ARL6IP6: variants seen among roughly 807,000 people sequenced by gnomAD.
ARL6IP6 encodes ARF like GTPase 6 interacting protein 6.
ARL6IP6 carries 22 observed loss-of-function variants against 21.5 expected under a neutral mutation model. The observed-to-expected ratio is 1.02, with a 90% CI of 0.73 to 1.46. The LOEUF (loss-of-function observed/expected upper bound fraction) is 1.46. Ranked by LOEUF, ARL6IP6 falls within the 40% of genes most tolerant of loss-of-function variation. The probability of loss-of-function intolerance (pLI) is 0.00; values close to 1 mark genes in which losing one functional copy is unlikely to be tolerated. For missense variants in ARL6IP6, 388 were observed against 299.8 expected (o/e 1.29, Z -2.17); for synonymous variants, 164 against 125.3 (o/e 1.31, Z -2.06).
chr2:152,759,729 GTTTTTC>G lies in ARL6IP6; in HGVS notation c.588-12_588-7del, dbSNP rs1701744822. On this transcript the variant is annotated splice_polypyrimidine_tract_variant and intron_variant, in intron 3 of 3. Coordinates refer to ENST00000326446, the MANE Select transcript of ARL6IP6 (RefSeq NM_152522.7). ...GTTACATTTTTCTTTTTTGATTTGT[GTTTTTC>G]TTTTTTTCTAGGAAACTGACTGGAC... The G allele has an allele frequency of 6.2e-7, 1 of 1,600,112 alleles. No individual in the cohort carries two copies. The highest frequency in any genetic ancestry group is 1.3e-5 in the African/African-American group (1 of 74,514).
intron 3 of ARL6IP6, among the ~76,000 whole-genome samples, chr2:152,739,243 C>T (rs1700697288): frequency 6.6e-6 from 1 of 152,116 alleles, no homozygotes; most frequent in Admixed American, 6.5e-5. Flanking sequence ...CCTTGGCCTC[C>T]CAAAGTACTG....
intron 2 of ARL6IP6, among the ~76,000 whole-genome samples, chr2:152,733,393 T>C (rs1215156966): frequency 6.6e-6 from 1 of 152,118 alleles, no homozygotes; most frequent in Non-Finnish European, 1.5e-5. Flanking sequence ...GTCTCCCAAG[T>C]AGCTGGGATT....
At chr2:152,739,475 A>G (rs149971320) in intron 3 of ARL6IP6, among the ~76,000 whole-genome samples, 24 of 152,284 alleles carry the variant, frequency 1.6e-4, no homozygotes, top group Admixed American at 2.0e-4. Context: ...CCAGTTCCCA[A>G]TAAGTTCCTC....
chr2:152,718,318 C>A, upstream of ARL6IP6: 1 of 307,170 alleles, frequency 3.3e-6, no homozygotes, highest in Non-Finnish European at 5.7e-6. Context: ...GGTCTCCGGC[C>A]GGGACGAAGC....
intron 2 of ARL6IP6, among the ~76,000 whole-genome samples, chr2:152,721,573 G>A (rs1244146612): frequency 7.2e-5 from 11 of 152,180 alleles, no homozygotes; most frequent in Non-Finnish European, 7.3e-5. Context: ...TTGGGGAGGG[G>A]AGATCAAACT....
intron 3 of ARL6IP6, among the ~76,000 whole-genome samples, chr2:152,758,928 C>T (rs1244557909): frequency 6.6e-6 from 1 of 152,192 alleles, no homozygotes; most frequent in Admixed American, 6.5e-5. Context: ...GTGCACCTTC[C>T]TGTGTGTCCT....
intron 2 of ARL6IP6, among the ~76,000 whole-genome samples, chr2:152,721,815 T>A (rs937199284): frequency 1.3e-5 from 2 of 152,254 alleles, no homozygotes; most frequent in African/African-American, 4.8e-5. Flanking sequence ...GAACCCTTTA[T>A]CTTCAAATTG....
At chr2:152,730,840 A>G (rs1219431650) in intron 2 of ARL6IP6, among the ~76,000 whole-genome samples, 2 of 152,182 alleles carry the variant, frequency 1.3e-5, no homozygotes, top group East Asian at 1.9e-4. Context: ...AAGATACTGT[A>G]CACAGCTATA....
At chr2:152,732,448 C>A in intron 2 of ARL6IP6, 1 of 387,736 alleles carries the variant, frequency 2.6e-6, no homozygotes, top group Non-Finnish European at 5.2e-6. Flanking sequence ...CATGTTTTAA[C>A]ATTTGTAGTT....
intron 3 of ARL6IP6, among the ~76,000 whole-genome samples, chr2:152,743,987 T>C (rs1016021348): frequency 1.3e-5 from 2 of 152,190 alleles, no homozygotes; most frequent in African/African-American, 4.8e-5. Context: ...AGTTGACTTC[T>C]ATGCTAAGAG....
At chr2:152,723,409 C>G (rs1402951489) in intron 2 of ARL6IP6, among the ~76,000 whole-genome samples, 1 of 152,098 alleles carries the variant, frequency 6.6e-6, no homozygotes, top group African/African-American at 2.4e-5. Context: ...TTGTATATTA[C>G]TCTTTATTTC....
chr2:152,738,791 C>G (rs567478415), intron 3 of ARL6IP6, among the ~76,000 whole-genome samples: 2 of 152,230 alleles, frequency 1.3e-5, no homozygotes, highest in African/African-American at 4.8e-5. Flanking sequence ...TCCCCATTGT[C>G]TTGGCAATTA....
intron 3 of ARL6IP6, among the ~76,000 whole-genome samples, chr2:152,749,711 C>G (rs927461748): frequency 2.6e-5 from 4 of 152,166 alleles, no homozygotes; most frequent in Non-Finnish European, 5.9e-5. Flanking sequence ...AAGGCTGGCA[C>G]TCAGACCCGT....
At chr2:152,759,006 CCTT>C (rs1317368756) in intron 3 of ARL6IP6, among the ~76,000 whole-genome samples, 1 of 152,088 alleles carries the variant, frequency 6.6e-6, no homozygotes, top group Non-Finnish European at 1.5e-5. Context: ...TTGGATACTA[CCTT>C]CTTTTCTTTT....
intron 3 of ARL6IP6, among the ~76,000 whole-genome samples, chr2:152,737,733 A>T (rs750150017): frequency 3.9e-5 from 6 of 152,208 alleles, no homozygotes; most frequent in African/African-American, 7.2e-5. Flanking sequence ...AACCACCCCC[A>T]TAATTTAATT....
chr2:152,736,232 A>G (rs1051078474), intron 3 of ARL6IP6, among the ~76,000 whole-genome samples: 2 of 152,218 alleles, frequency 1.3e-5, no homozygotes, highest in African/African-American at 2.4e-5. Flanking sequence ...GTACCACTCA[A>G]TTAGAAGTTT....
chr2:152,758,126 A>G (rs1559246836), intron 3 of ARL6IP6, among the ~76,000 whole-genome samples: 1 of 152,188 alleles, frequency 6.6e-6, no homozygotes, highest in African/African-American at 2.4e-5. Context: ...GTCTCATTCA[A>G]AAATGGCTTA....
intron 3 of ARL6IP6, among the ~76,000 whole-genome samples, chr2:152,746,764 A>G (rs1443413160): frequency 6.7e-6 from 1 of 149,748 alleles, no homozygotes; most frequent in African/African-American, 2.5e-5. Flanking sequence ...GGCCTGCCAC[A>G]AGTTGCCAGT....
chr2:152,718,603 G>A (rs1234513725), upstream of ARL6IP6: 6 of 1,500,576 alleles, frequency 4.0e-6, no homozygotes, highest in Non-Finnish European at 5.3e-6. Context: ...CGTTCTCCGC[G>A]GGTTTCGTTG....
Sources: allele counts gnomAD v4.1 joint callset (sites outside exome capture counted in the v4.1 genomes callset), GRCh38; gene constraint gnomAD v4.1.1; transcripts MANE v1.5; gene names NCBI Gene and HGNC (gene_info 2026-07-23, HGNC 2026-07-21).